RIMS1: variants seen among roughly 807,000 people sequenced by gnomAD.
RIMS1 encodes regulating synaptic membrane exocytosis protein 1.
A neutral mutation model predicts 214.1 loss-of-function variants in RIMS1; 83 were observed. That is an observed-to-expected ratio of 0.39 (90% CI 0.32 to 0.47). The LOEUF (loss-of-function observed/expected upper bound fraction) is 0.47, where lower values mean the gene tolerates loss of function less well. RIMS1 is among the 20% of genes least tolerant of loss of function. The pLI, the probability that RIMS1 is intolerant of heterozygous loss-of-function variation, is 0.99. For missense variants in RIMS1, 2,050 were observed against 2,161.8 expected (o/e 0.95, Z 1.03); for synonymous variants, 793 against 786.8 (o/e 1.01, Z -0.13).
chr6:72,215,097 G>T (rs1207968031), intron 6 of RIMS1, among the ~76,000 whole-genome samples: 1 of 152,112 alleles, frequency 6.6e-6, no homozygotes, highest in East Asian at 1.9e-4. Flanking sequence ...TGAGTATATT[G>T]GTTGTTGAAA....
intron 32 of RIMS1, among the ~76,000 whole-genome samples, chr6:72,398,701 G>A (rs1369675487): frequency 6.6e-6 from 1 of 152,112 alleles, no homozygotes; most frequent in Non-Finnish European, 1.5e-5. Flanking sequence ...ATATAAACCT[G>A]CATTGTAACC....
chr6:72,282,393 C>G lies in RIMS1; in HGVS notation c.3483-1654C>G, dbSNP rs77691751. ...AAATCAATCATGGAATCTCTGCCCC[C>G]CTACCACCCATGATCCCCTCTCCTG... On this transcript the variant is annotated intron_variant, in intron 23 of 33. Coordinates refer to ENST00000521978, the MANE Select transcript of RIMS1 (RefSeq NM_014989.7). 8.1e-3 allele frequency among the ~76,000 whole-genome samples: 1,234 copies of G among 152,106 alleles called. 18 individuals are homozygous for G. The highest frequency in any genetic ancestry group is 0.029 in the African/African-American group (1,199 of 41,522).
At position 72,067,719 on chromosome 6, in the gene RIMS1, A is replaced by C. The variant is rs58611059; in HGVS notation, c.246-29230A>C. On this transcript the variant is annotated intron_variant, in intron 2 of 33. Transcript: ENST00000521978. Reference sequence around the variant, plus strand: ...AGTACCTGGCACATGGCAGATTTGCAATATAGATTTGTCAAAATAAGAATA... The same window carrying C: ...AGTACCTGGCACATGGCAGATTTGCCATATAGATTTGTCAAAATAAGAATA... 2.3e-3 allele frequency among the ~76,000 whole-genome samples: 343 copies of C among 152,326 alleles called. 1 individual carries two copies. The highest frequency in any genetic ancestry group is 7.9e-3 in the African/African-American group (327 of 41,576).
chr6:71,997,224 A>G (rs1409745598), intron 2 of RIMS1, among the ~76,000 whole-genome samples: 1 of 152,164 alleles, frequency 6.6e-6, no homozygotes, highest in Non-Finnish European at 1.5e-5. Context: ...ACCTGCCCCT[A>G]AAATGATTAA....
intron 29 of RIMS1, among the ~76,000 whole-genome samples, chr6:72,370,637 A>G (rs1451379536): frequency 6.6e-6 from 1 of 152,186 alleles, no homozygotes; most frequent in African/African-American, 2.4e-5. Context: ...TTTAATCTAC[A>G]GTGCTTATAA....
At chr6:72,162,329 G>A (rs984332888) in intron 4 of RIMS1, among the ~76,000 whole-genome samples, 1 of 140,122 alleles carries the variant, frequency 7.1e-6, no homozygotes, top group African/African-American at 2.5e-5. Flanking sequence ...GATGGGTTTT[G>A]ACTCTTTATC....
At chr6:72,270,852 G>A (rs929925397) in intron 22 of RIMS1, among the ~76,000 whole-genome samples, 2 of 152,188 alleles carry the variant, frequency 1.3e-5, no homozygotes, top group Non-Finnish European at 2.9e-5. Flanking sequence ...GGGGTGCAAT[G>A]AGGAAAGGCT....
intron 2 of RIMS1, among the ~76,000 whole-genome samples, chr6:72,064,797 G>A (rs1486513106): frequency 2.0e-5 from 3 of 152,214 alleles, no homozygotes; most frequent in African/African-American, 7.2e-5. Context: ...TATAAATACA[G>A]GTGCGGGGTT....
At chr6:72,162,819 C>G (rs2153936741) in intron 4 of RIMS1, among the ~76,000 whole-genome samples, 1 of 140,190 alleles carries the variant, frequency 7.1e-6, no homozygotes, top group African/African-American at 2.5e-5. Flanking sequence ...CTGCCCTTAA[C>G]ATTTTTTCCT....
intron 4 of RIMS1, among the ~76,000 whole-genome samples, chr6:72,161,678 A>T (rs4419636): frequency 0.98 from 136,068 of 139,134 alleles, 66,764 homozygotes; most frequent in East Asian, 1. Flanking sequence ...GTTGTTCAGT[A>T]TCCATGTAGG....
At chr6:72,132,871 G>C (rs1190731680) in intron 4 of RIMS1, among the ~76,000 whole-genome samples, 2 of 152,126 alleles carry the variant, frequency 1.3e-5, no homozygotes, top group Non-Finnish European at 2.9e-5. Context: ...CTGAAAAACA[G>C]ATATTTTTGG....
chr6:72,065,808 G>C (rs1829143369), intron 2 of RIMS1, among the ~76,000 whole-genome samples: 1 of 151,848 alleles, frequency 6.6e-6, no homozygotes, highest in African/African-American at 2.4e-5. Context: ...CAGGCTAGCT[G>C]AGTCAAGAAG....
chr6:72,047,346 C>G (rs969108954), intron 2 of RIMS1, among the ~76,000 whole-genome samples: 41 of 152,232 alleles, frequency 2.7e-4, no homozygotes, highest in African/African-American at 9.1e-4. Flanking sequence ...TTCAGCTTCT[C>G]CATTTCTTTG....
At chr6:72,145,462 A>G (rs2042616472) in intron 4 of RIMS1, among the ~76,000 whole-genome samples, 1 of 152,066 alleles carries the variant, frequency 6.6e-6, no homozygotes, top group East Asian at 1.9e-4. Context: ...AAATACAAAA[A>G]TTAGCTGGGC....
In RIMS1 at chr6:72,348,144, G is replaced by A. The variant is rs539700625; in HGVS notation, c.4366+14309G>A. 7.2e-4 allele frequency among the ~76,000 whole-genome samples: 109 copies of A among 151,928 alleles called. 1 individual carries two copies. Among genetic ancestry groups the A allele is most frequent in the Non-Finnish European group, 1.4e-3 (94 of 67,850 alleles). On this transcript the variant is annotated intron_variant, in intron 29 of 33. Coordinates refer to ENST00000521978, the MANE Select transcript of RIMS1 (RefSeq NM_014989.7). The stretch of plus-strand genomic sequence containing the variant: ...CTTAGTGGGTAAATTTTTCTTCTAT[G>A]TTTGGTTTGTTATTCTTAGGAAATA...
chr6:72,161,596 C>T lies in RIMS1; in HGVS notation c.472-17979C>T, dbSNP rs1295342752. Among the ~76,000 whole-genome samples the T allele has an allele frequency of 1.4e-5, 2 of 139,636 alleles. 1 individual carries two copies. Among genetic ancestry groups the T allele is most frequent in the Non-Finnish European group, 3.2e-5 (2 of 61,592 alleles). The allele number at this position is 139,636 out of a possible 152,430, so 91.6% of individuals were successfully genotyped here. ...GATTCTGGTATGTTGTGTCTTTGTT[C>T]TCATTGGTTTCAAAGAACATCTTTA... On this transcript the variant is annotated intron_variant, in intron 4 of 33. Transcript: ENST00000521978.
intron 4 of RIMS1, among the ~76,000 whole-genome samples, chr6:72,110,036 G>A (rs1338890172): frequency 6.6e-6 from 1 of 151,992 alleles, no homozygotes; most frequent in Non-Finnish European, 1.5e-5. Context: ...ATTTCTGAGG[G>A]CTCTGTTCTG....
At chr6:72,173,806 T>C (rs1469861253) in intron 4 of RIMS1, among the ~76,000 whole-genome samples, 3 of 152,054 alleles carry the variant, frequency 2.0e-5, no homozygotes, top group Non-Finnish European at 4.4e-5. Context: ...AATGGATGAT[T>C]GGGGTGTGTG....
chr6:72,007,053 G>T (rs563858517), intron 2 of RIMS1, among the ~76,000 whole-genome samples: 2 of 152,298 alleles, frequency 1.3e-5, no homozygotes, highest in South Asian at 2.1e-4. Flanking sequence ...CACCCAAGTA[G>T]CCTAACTGGG....
Sources: allele counts gnomAD v4.1 joint callset (sites outside exome capture counted in the v4.1 genomes callset), GRCh38; gene constraint gnomAD v4.1.1; transcripts MANE v1.5; gene names NCBI Gene and HGNC (gene_info 2026-07-23, HGNC 2026-07-21).